Variants in CFTR observed in about 807,000 individuals in gnomAD.
CFTR encodes the protein CF transmembrane conductance regulator.
Under a neutral mutation model 171.6 loss-of-function variants are expected in CFTR, and 181 were observed. That is an observed-to-expected ratio of 1.05 (90% CI 0.93 to 1.19). CFTR has a LOEUF of 1.19. CFTR is among the 50% of genes most tolerant of loss of function. The probability of loss-of-function intolerance (pLI) is 0.00; values close to 1 mark genes in which losing one functional copy is unlikely to be tolerated. For missense variants in CFTR, 1,968 were observed against 1,734.7 expected (o/e 1.13, Z -2.39); for synonymous variants, 583 against 608.0 (o/e 0.96, Z 0.60).
In CFTR at chr7:117,667,176, T is replaced by C; in HGVS notation, c.*68T>C. The C allele has an allele frequency of 1.4e-6, 2 of 1,399,916 alleles. No homozygotes were observed. The highest frequency in any genetic ancestry group is 1.4e-5 in the African/African-American group (1 of 70,334). The allele number at this position is 1,399,916 out of a possible 1,614,324, so 86.7% of individuals were successfully genotyped here. ...TGGAGCTCGTGGGACAGTCACCTCA[T>C]GGAATTGGAGCTCGTGGAACAGTTA... On this transcript the variant is annotated 3_prime_UTR_variant, in exon 27 of 27. Transcript: ENST00000003084.
chr7:117,497,660 A>G (rs1312767989), intron 1 of CFTR, among the ~76,000 whole-genome samples: 9 of 152,172 alleles, frequency 5.9e-5, no homozygotes, highest in Non-Finnish European at 1.3e-4. Flanking sequence ...GGGGATTCGT[A>G]TTCTTCAAGT....
chr7:117,480,585 T>C (rs1797986746), intron 1 of CFTR, among the ~76,000 whole-genome samples: 1 of 152,196 alleles, frequency 6.6e-6, no homozygotes, highest in African/African-American at 2.4e-5. Flanking sequence ...CTTGACTGAA[T>C]TCAGCCAACA....
intron 11 of CFTR, among the ~76,000 whole-genome samples, chr7:117,561,707 A>ATTCGGGAAT (rs1331548446): frequency 6.6e-6 from 1 of 152,172 alleles, no homozygotes; most frequent in Admixed American, 6.5e-5. Flanking sequence ...TAGAACATGA[A>ATTCGGGAAT]TCATATACTT....
At chr7:117,499,393 T>G (rs1174121253) in intron 1 of CFTR, among the ~76,000 whole-genome samples, 3 of 149,956 alleles carry the variant, frequency 2.0e-5, no homozygotes, top group Non-Finnish European at 4.4e-5. Context: ...AAATTGGAAT[T>G]TTTGTCCTAA....
At chr7:117,535,460 A>G (rs749485957) in intron 6 of CFTR, 49 bp downstream of exon 6, 1 of 1,573,730 alleles carries the variant, frequency 6.4e-7, no homozygotes, top group African/African-American at 1.4e-5. Flanking sequence ...TATGTTTTCA[A>G]AAAGCCCACT....
intron 15 of CFTR, among the ~76,000 whole-genome samples, chr7:117,602,496 A>G (rs1304825984): frequency 6.6e-6 from 1 of 152,250 alleles, no homozygotes; most frequent in Non-Finnish European, 1.5e-5. Context: ...TTTCTTTAAA[A>G]AATGTTTATT....
At chr7:117,635,014 CA>C (rs1727068707) in intron 22 of CFTR, among the ~76,000 whole-genome samples, 1 of 152,030 alleles carries the variant, frequency 6.6e-6, no homozygotes, top group Non-Finnish European at 1.5e-5. Flanking sequence ...ACTGATTTTC[CA>C]CCTGCTAGAT....
chr7:117,617,428 A>C (rs532347791), intron 21 of CFTR, among the ~76,000 whole-genome samples: 1 of 152,238 alleles, frequency 6.6e-6, no homozygotes, highest in Non-Finnish European at 1.5e-5. Context: ...TGGTACACGA[A>C]ACTGTACAAC....
Position 117,666,912 on chromosome 7 carries a change from T to G in CFTR, c.4247T>G (p.Ile1416Arg). Reference protein sequence around the residue: ...AMLECQQFLVIEENKVRQYDS... With the variant: ...AMLECQQFLVREENKVRQYDS... ...CACTAACAGCCATTTCCCTAGGTCATAGAAGAGAACAAAGTGCGGCAGTAC... is the reference window on the plus strand; with the variant it reads ...CACTAACAGCCATTTCCCTAGGTCAGAGAAGAGAACAAAGTGCGGCAGTAC... The change falls in exon 27 of 27, where the codon ATA (isoleucine) becomes AGA (arginine). Residue 1416 changes from isoleucine to arginine, a missense_variant. Ile to Arg is a moderately conservative substitution (Grantham distance 97). Transcript: ENST00000003084. 1 of 1,613,998 alleles carries G rather than the reference T, an allele frequency of 6.2e-7. No individual in the cohort carries two copies. Among genetic ancestry groups the G allele is most frequent in the South Asian group, 1.1e-5 (1 of 91,074 alleles).
intron 6 of CFTR, 114 bp downstream of exon 6, chr7:117,535,525 ATTT>A (rs764945997): frequency 6.2e-3 from 3,050 of 492,626 alleles, no homozygotes; most frequent in East Asian, 0.011. Flanking sequence ...GTGTCATTAA[ATTT>A]TTTTTTTTTT....
At chr7:117,500,442 A>T (rs1490099205) in intron 1 of CFTR, among the ~76,000 whole-genome samples, 1 of 151,426 alleles carries the variant, frequency 6.6e-6, no homozygotes, top group Non-Finnish European at 1.5e-5. Context: ...ATGTGCCCCC[A>T]TGCCTGGCTA....
Position 117,540,175 on chromosome 7 carries a change from CT to C in CFTR, c.948del (p.Phe316LeufsTer12), listed in dbSNP as rs75528968. ...NSSAFFFSGF[F>X]VVFLSVLPYA... ...GCTCAGCCTTCTTCTTCTCAGGGTT[CT>C]TTGTGGTGTTTTTATCTGTGCTTCC... is the stretch of plus-strand genomic sequence containing the variant. On this transcript the variant is annotated frameshift_variant, in exon 8 of 27. Transcript: ENST00000003084. LOFTEE classifies it high-confidence loss of function. 51 of 1,614,004 alleles carry C rather than the reference CT, an allele frequency of 3.2e-5. No homozygotes were observed. Among genetic ancestry groups the C allele is most frequent in the Non-Finnish European group, 4.2e-5 (50 of 1,179,910 alleles).
At position 117,559,605 on chromosome 7, in the gene CFTR, T is replaced by A. The variant is rs1562898472; in HGVS notation, c.1534T>A (p.Tyr512Asn). 1 of 1,612,994 alleles carries A rather than the reference T, an allele frequency of 6.2e-7. No homozygotes were observed. ...AGAAAATATCATCTTTGGTGTTTCC[T>A]ATGATGAATATAGATACAGAAGCGT... ...IKENIIFGVS[Y>N]DEYRYRSVIK... Residue 512 changes from tyrosine to asparagine, a missense_variant, in exon 11 of 27, where the codon TAT becomes AAT. By Grantham distance (143) the Tyr-to-Asn change is moderately radical. Coordinates refer to ENST00000003084, the MANE Select transcript of CFTR (RefSeq NM_000492.4).
At chr7:117,512,761 G>A (rs1044734581) in intron 3 of CFTR, among the ~76,000 whole-genome samples, 2 of 152,034 alleles carry the variant, frequency 1.3e-5, no homozygotes, top group African/African-American at 4.8e-5. Context: ...AAGCAGATTG[G>A]TGAGAGAATA....
intron 10 of CFTR, among the ~76,000 whole-genome samples, chr7:117,555,865 T>A (rs935249105): frequency 6.6e-6 from 1 of 152,234 alleles, no homozygotes; most frequent in East Asian, 1.9e-4. Context: ...TCTGTAAGGT[T>A]TCCACTCAAC....
At chr7:117,550,601 A>T (rs142121670) in intron 10 of CFTR, among the ~76,000 whole-genome samples, 27 of 152,330 alleles carry the variant, frequency 1.8e-4, no homozygotes, top group Non-Finnish European at 3.5e-4. Context: ...ATGTTTATTT[A>T]TGAAAAGGTA....
chr7:117,623,855 C>T (rs752922918), intron 21 of CFTR, among the ~76,000 whole-genome samples: 3 of 152,116 alleles, frequency 2.0e-5, no homozygotes, highest in Non-Finnish European at 2.9e-5. Context: ...TAACAAGGAA[C>T]GCTTTGAACG....
intron 1 of CFTR, among the ~76,000 whole-genome samples, chr7:117,500,581 C>T (rs907836895): frequency 2.6e-5 from 4 of 151,930 alleles, no homozygotes; most frequent in South Asian, 2.1e-4. Flanking sequence ...TGAGCCACCG[C>T]GCCTGGCCTG....
At chr7:117,611,989 T>C (rs1792397070) in intron 20 of CFTR, among the ~76,000 whole-genome samples, 181 bp downstream of exon 20, 1 of 108,454 alleles carries the variant, frequency 9.2e-6, no homozygotes, top group Non-Finnish European at 2.0e-5. Context: ...GTTAAACAAA[T>C]AATTTCCTTG....
Sources: gnomAD v4.1 joint callset for allele counts (sites outside exome capture counted in the v4.1 genomes callset) on GRCh38, gnomAD v4.1.1 for gene constraint, MANE v1.5 for transcripts, NCBI Gene and HGNC (gene_info 2026-07-23, HGNC 2026-07-21) for gene names.